The following PLSCR4 variants were observed in gnomAD, a reference collection of about 807,000 sequenced individuals.
The protein encoded by PLSCR4 is phospholipid scramblase 4, also known as Ca(2+)-dependent phospholipid scramblase 4.
PLSCR4 carries 25 observed loss-of-function variants against 36.3 expected under a neutral mutation model. That is an observed-to-expected ratio of 0.69 (90% CI 0.50 to 0.96). PLSCR4 has a LOEUF of 0.96. Ranked by LOEUF, PLSCR4 falls within the 40% of genes least tolerant of loss-of-function variation. The pLI, the probability that PLSCR4 is intolerant of heterozygous loss-of-function variation, is 0.00. For synonymous variants in PLSCR4, 122 were observed against 132.9 expected (o/e 0.92, Z 0.56); for missense variants, 408 against 414.7 (o/e 0.98, Z 0.14).
Position 146,193,615 on chromosome 3 carries a change from G to A in PLSCR4, c.*796C>T, listed in dbSNP as rs1175143996. The A allele has an allele frequency of 6.6e-6, 1 of 152,192 alleles. No homozygotes were observed. The highest frequency in any genetic ancestry group is 1.5e-5 in the Non-Finnish European group (1 of 68,030). The allele number at this position is 152,192 out of a possible 1,614,324, so 9.4% of individuals were successfully genotyped here. Reference sequence around the variant, plus strand: ...ATGTACAAATGTATTATGTATAAATGTATTAAATGCAAGCTTCATATAATG... The same window carrying A: ...ATGTACAAATGTATTATGTATAAATATATTAAATGCAAGCTTCATATAATG... On this transcript the variant is annotated 3_prime_UTR_variant, in exon 9 of 9. Coordinates refer to ENST00000354952, the MANE Select transcript of PLSCR4 (RefSeq NM_020353.3).
At chr3:146,207,537 A>AG (rs2034404825) in intron 3 of PLSCR4, among the ~76,000 whole-genome samples, 1 of 152,018 alleles carries the variant, frequency 6.6e-6, no homozygotes, top group Non-Finnish European at 1.5e-5. Context: ...CACAGAGTGA[A>AG]GGGGGAGAGA....
chr3:146,198,443 C>G (rs1301219628), intron 6 of PLSCR4, among the ~76,000 whole-genome samples: 2 of 152,082 alleles, frequency 1.3e-5, no homozygotes, highest in African/African-American at 4.8e-5. Flanking sequence ...CTCTGTCACC[C>G]AGGCTGGAGT....
intron 1 of PLSCR4, among the ~76,000 whole-genome samples, chr3:146,247,002 C>T (rs4681307): frequency 0.78 from 119,268 of 152,048 alleles, 47,459 homozygotes; most frequent in Non-Finnish European, 0.86. Flanking sequence ...CTAATACACA[C>T]AGTTTTTATA....
At position 146,242,145 on chromosome 3, in the gene PLSCR4, G is replaced by A. The variant is rs998113856; in HGVS notation, c.-22+8815C>T. 7.9e-5 allele frequency among the ~76,000 whole-genome samples: 12 copies of A among 152,238 alleles called. No individual in the cohort carries two copies. The South Asian group carries it at 2.3e-3, about 29-fold the overall frequency. ...AATACCAGGCTGGATCCAATCAACT[G>A]ATTTATGTACGTCACTTCTTTCCTC... On this transcript the variant is annotated intron_variant, in intron 1 of 8. Coordinates refer to ENST00000354952, the MANE Select transcript of PLSCR4 (RefSeq NM_020353.3).
chr3:146,231,827 T>A (rs140410666), intron 1 of PLSCR4, among the ~76,000 whole-genome samples: 1 of 152,358 alleles, frequency 6.6e-6, no homozygotes, highest in African/African-American at 2.4e-5. Context: ...CTGTTGATAG[T>A]TTCTTTTACT....
At chr3:146,213,802 T>A (rs2034753007) in intron 3 of PLSCR4, among the ~76,000 whole-genome samples, 1 of 152,234 alleles carries the variant, frequency 6.6e-6, no homozygotes, top group Non-Finnish European at 1.5e-5. Flanking sequence ...CCTATTAGCA[T>A]ACAATAAATT....
At chr3:146,229,596 TATTTATTTATTTATTTA>T (rs2035617394) in intron 1 of PLSCR4, among the ~76,000 whole-genome samples, 1 of 110,664 alleles carries the variant, frequency 9.0e-6, no homozygotes, top group African/African-American at 3.7e-5. Context: ...ATTTTTCATT[TATTTATTTATTTATTTA>T]TTTATTTATT....
At chr3:146,212,312 T>A (rs1181302034) in intron 3 of PLSCR4, among the ~76,000 whole-genome samples, 2 of 152,078 alleles carry the variant, frequency 1.3e-5, no homozygotes, top group Non-Finnish European at 2.9e-5. Context: ...TTAATTTCTT[T>A]TTACATTTTT....
At chr3:146,240,303 G>A (rs749661767) in intron 1 of PLSCR4, among the ~76,000 whole-genome samples, 12 of 152,024 alleles carry the variant, frequency 7.9e-5, no homozygotes, top group Non-Finnish European at 1.0e-4. Context: ...AAAAAAATGC[G>A]GATCAAAACT....
intron 6 of PLSCR4, among the ~76,000 whole-genome samples, chr3:146,198,462 G>A (rs2033867055): frequency 6.6e-6 from 1 of 152,076 alleles, no homozygotes. Flanking sequence ...GTGAAGTGGT[G>A]TAATCACAGG....
chr3:146,228,635 A>T (rs2035576355), intron 1 of PLSCR4, among the ~76,000 whole-genome samples: 1 of 152,032 alleles, frequency 6.6e-6, no homozygotes, highest in Admixed American at 6.5e-5. Flanking sequence ...CTTGTAGTAA[A>T]CTTTAAAAAG....
chr3:146,203,550 T>A (rs1031114768), intron 4 of PLSCR4, among the ~76,000 whole-genome samples: 1 of 152,024 alleles, frequency 6.6e-6, no homozygotes, highest in Non-Finnish European at 1.5e-5. Context: ...ATAGTTAGGA[T>A]CTTCTGAAAA....
intron 1 of PLSCR4, among the ~76,000 whole-genome samples, chr3:146,230,631 G>C (rs529174107): frequency 1.3e-5 from 2 of 152,250 alleles, no homozygotes; most frequent in Admixed American, 6.5e-5. Flanking sequence ...GAGCGAGGAG[G>C]AGCAGAAGAG....
At chr3:146,237,439 T>G (rs1291805213) in intron 1 of PLSCR4, among the ~76,000 whole-genome samples, 1 of 152,108 alleles carries the variant, frequency 6.6e-6, no homozygotes, top group African/African-American at 2.4e-5. Flanking sequence ...GATTTTCAAG[T>G]GCATATGAAA....
intron 1 of PLSCR4, among the ~76,000 whole-genome samples, chr3:146,232,690 T>G (rs1002177295): frequency 2.0e-5 from 3 of 152,178 alleles, no homozygotes; most frequent in Non-Finnish European, 4.4e-5. Context: ...ACACTGATTT[T>G]GTATCCTGAA....
At chr3:146,223,509 A>G (rs186080826) in intron 1 of PLSCR4, among the ~76,000 whole-genome samples, 405 of 152,340 alleles carry the variant, frequency 2.7e-3, no homozygotes, top group Middle Eastern at 0.01. Flanking sequence ...GATCATGTTC[A>G]TAAGAATACA....
At chr3:146,248,654 A>G (rs954307265) in intron 1 of PLSCR4, among the ~76,000 whole-genome samples, 1 of 152,170 alleles carries the variant, frequency 6.6e-6, no homozygotes, top group African/African-American at 2.4e-5. Context: ...ATTCCCAATC[A>G]ATGGCTACAG....
chr3:146,238,342 GACA>G (rs1214069684), intron 1 of PLSCR4, among the ~76,000 whole-genome samples: 1 of 151,748 alleles, frequency 6.6e-6, no homozygotes, highest in Non-Finnish European at 1.5e-5. Context: ...ATTAGGTAAA[GACA>G]ACACAACAAA....
intron 7 of PLSCR4, among the ~76,000 whole-genome samples, chr3:146,196,152 T>C (rs2033727489): frequency 6.6e-6 from 1 of 152,204 alleles, no homozygotes; most frequent in Non-Finnish European, 1.5e-5. Context: ...TTATAAGTTT[T>C]ATCCATATTG....
Sources: gnomAD v4.1 joint callset for allele counts (sites outside exome capture counted in the v4.1 genomes callset) on GRCh38, gnomAD v4.1.1 for gene constraint, MANE v1.5 for transcripts, NCBI Gene and HGNC (gene_info 2026-07-23, HGNC 2026-07-21) for gene names.